Variants in CDH13 observed in about 807,000 individuals in gnomAD.
CDH13 encodes cadherin-13.
CDH13 carries 24 observed loss-of-function variants against 63.8 expected under a neutral mutation model. The ratio of observed to expected loss-of-function variants is 0.38; its 90% confidence interval spans 0.27 to 0.53. The LOEUF (loss-of-function observed/expected upper bound fraction) is 0.53, where lower values mean the gene tolerates loss of function less well. Ranked by LOEUF, CDH13 falls within the 20% of genes least tolerant of loss-of-function variation. The pLI is 0.85. For synonymous variants in CDH13, 503 were observed against 355.3 expected (o/e 1.42, Z -4.67); for missense variants, 1,049 against 903.1 (o/e 1.16, Z -2.07).
intron 4 of CDH13, among the ~76,000 whole-genome samples, chr16:83,186,529 T>C (rs2038530959): frequency 6.6e-6 from 1 of 152,158 alleles, no homozygotes; most frequent in East Asian, 1.9e-4. Context: ...GTTGTCATAG[T>C]ATTTTTGTTG....
chr16:82,961,230 A>G (rs532404080), intron 2 of CDH13, among the ~76,000 whole-genome samples: 27 of 152,292 alleles, frequency 1.8e-4, no homozygotes, highest in Admixed American at 9.1e-4. Context: ...CCACAAGTCA[A>G]TGAGGAGATG....
At chr16:83,037,484 G>A (rs574644550) in intron 3 of CDH13, among the ~76,000 whole-genome samples, 1 of 152,312 alleles carries the variant, frequency 6.6e-6, no homozygotes, top group South Asian at 2.1e-4. Flanking sequence ...GAAACCAGAA[G>A]CAAGATTTGC....
intron 5 of CDH13, among the ~76,000 whole-genome samples, chr16:83,336,298 C>A (rs1438116367): frequency 3.2e-5 from 2 of 62,246 alleles, no homozygotes; most frequent in Non-Finnish European, 7.1e-5. Flanking sequence ...AAGACTCCAT[C>A]TCAAAAAAAA....
chr16:82,988,295 A>T (rs1055368837), intron 2 of CDH13, among the ~76,000 whole-genome samples: 11 of 152,240 alleles, frequency 7.2e-5, no homozygotes, highest in Admixed American at 2.6e-4. Flanking sequence ...GGGGGCATCC[A>T]AGGTGAGGAG....
At chr16:82,643,619 C>G (rs1484167960) in intron 1 of CDH13, among the ~76,000 whole-genome samples, 1 of 152,170 alleles carries the variant, frequency 6.6e-6, no homozygotes, top group African/African-American at 2.4e-5. Flanking sequence ...GTTTGTTTTG[C>G]TGATTTGTAA....
rs1010642334 is a variant in CDH13 at position 83,305,126 on chromosome 16, C to T, written c.637-39736C>T. Among the ~76,000 whole-genome samples, 6 of 152,212 alleles carry T rather than the reference C, an allele frequency of 3.9e-5. No individual in the cohort carries two copies. In the East Asian group the frequency reaches 7.7e-4, roughly 20 times the overall value. On this transcript the variant is annotated intron_variant, in intron 5 of 13. Transcript: ENST00000567109. Reference sequence around the variant, plus strand: ...GGGGACTCTCCTGCTCTGAAGGGGGCCATCCTGGTCTAGGGGAGCTGTCCT... The same window carrying T: ...GGGGACTCTCCTGCTCTGAAGGGGGTCATCCTGGTCTAGGGGAGCTGTCCT...
chr16:83,682,334 T>C (rs917922765), intron 10 of CDH13, among the ~76,000 whole-genome samples: 5 of 152,248 alleles, frequency 3.3e-5, no homozygotes, highest in Admixed American at 2.0e-4. Flanking sequence ...AGGAAGCTGT[T>C]CTGGGTGGTC....
intron 1 of CDH13, among the ~76,000 whole-genome samples, chr16:82,717,898 G>A (rs2032496233): frequency 6.6e-6 from 1 of 152,174 alleles, no homozygotes; most frequent in South Asian, 2.1e-4. Context: ...TTCCCAAAAT[G>A]CATGTGTCAT....
chr16:82,776,434 A>T (rs900829118), intron 1 of CDH13, among the ~76,000 whole-genome samples: 2 of 152,222 alleles, frequency 1.3e-5, no homozygotes, highest in African/African-American at 4.8e-5. Flanking sequence ...TATTTTTAAT[A>T]ATCAGCCATG....
At chr16:82,901,073 AT>A (rs35002469) in intron 2 of CDH13, among the ~76,000 whole-genome samples, 51,693 of 144,522 alleles carry the variant, frequency 0.36, 9,393 homozygotes, top group African/African-American at 0.48. Context: ...ATGTATATTG[AT>A]TTTTTTTTTT....
intron 10 of CDH13, among the ~76,000 whole-genome samples, chr16:83,714,320 T>C (rs1908560198): frequency 1.3e-5 from 2 of 152,164 alleles, no homozygotes; most frequent in Non-Finnish European, 2.9e-5. Context: ...TCGGTAGAAA[T>C]ACTTAATAGA....
chr16:82,995,645 A>G (rs1912123627), intron 2 of CDH13, among the ~76,000 whole-genome samples: 1 of 152,152 alleles, frequency 6.6e-6, no homozygotes, highest in African/African-American at 2.4e-5. Flanking sequence ...ACCTATTATA[A>G]CACCATGGTG....
chr16:83,527,466 AAATT>A (rs2074991075), intron 7 of CDH13, among the ~76,000 whole-genome samples: 1 of 152,170 alleles, frequency 6.6e-6, no homozygotes, highest in Admixed American at 6.5e-5. Context: ...AAAAAATTAA[AAATT>A]AAGAATGGGA....
At chr16:82,699,485 C>T (rs1244552115) in intron 1 of CDH13, among the ~76,000 whole-genome samples, 1 of 152,212 alleles carries the variant, frequency 6.6e-6, no homozygotes, top group Non-Finnish European at 1.5e-5. Context: ...ATTCCCAGGT[C>T]CCATTTCCCT....
chr16:82,851,994 A>G (rs185613903), intron 1 of CDH13, among the ~76,000 whole-genome samples: 36 of 152,332 alleles, frequency 2.4e-4, no homozygotes, highest in Non-Finnish European at 4.3e-4. Context: ...CAAGAAAGCA[A>G]AAAGAGTTGG....
intron 2 of CDH13, among the ~76,000 whole-genome samples, chr16:82,960,930 G>T (rs1246725271): frequency 1.3e-5 from 2 of 152,108 alleles, no homozygotes; most frequent in Admixed American, 6.5e-5. Context: ...TGATTTGGAG[G>T]GGTAAAAAGG....
intron 5 of CDH13, among the ~76,000 whole-genome samples, chr16:83,334,667 T>C (rs113167165): frequency 1.3e-5 from 2 of 152,132 alleles, no homozygotes; most frequent in East Asian, 1.9e-4. Flanking sequence ...TGAGCCACCA[T>C]ACCTGGCCCA....
chr16:82,925,928 T>G (rs1035291976), intron 2 of CDH13: 1 of 152,100 alleles, frequency 6.6e-6, no homozygotes, highest in Non-Finnish European at 1.5e-5. Flanking sequence ...AATAATGAGT[T>G]TTCCCATTTT....
At chr16:83,212,653 G>A (rs538464387) in intron 4 of CDH13, among the ~76,000 whole-genome samples, 44 of 152,288 alleles carry the variant, frequency 2.9e-4, no homozygotes, top group African/African-American at 6.7e-4. Flanking sequence ...AAACAGTAGC[G>A]GTGGAAACCA....
Sources: allele counts gnomAD v4.1 joint callset (sites outside exome capture counted in the v4.1 genomes callset), GRCh38; gene constraint gnomAD v4.1.1; transcripts MANE v1.5; gene names NCBI Gene and HGNC (gene_info 2026-07-23, HGNC 2026-07-21).